Variants in GRID2 observed in about 807,000 individuals in gnomAD.
GRID2 encodes the protein glutamate receptor ionotropic, delta-2.
A neutral mutation model predicts 114.8 loss-of-function variants in GRID2; 33 were observed. That is an observed-to-expected ratio of 0.29 (90% CI 0.22 to 0.38). GRID2 has a LOEUF of 0.38. Ranked by LOEUF, GRID2 falls within the 10% of genes least tolerant of loss-of-function variation. The probability of loss-of-function intolerance (pLI) is 1.00; values close to 1 mark genes in which losing one functional copy is unlikely to be tolerated. For missense variants in GRID2, 1,184 were observed against 1,257.7 expected, an observed-to-expected ratio of 0.94 and a Z score of 0.89; for synonymous variants, 505 against 449.9, an observed-to-expected ratio of 1.12 and a Z score of -1.55.
chr4:93,692,283 G>C (rs2110117135), intron 14 of GRID2, among the ~76,000 whole-genome samples: 1 of 152,190 alleles, frequency 6.6e-6, no homozygotes, highest in South Asian at 2.1e-4. Context: ...CCTGAAGAAA[G>C]TGAGGAAGCC....
intron 2 of GRID2, among the ~76,000 whole-genome samples, chr4:92,710,653 C>G (rs1476432229): frequency 1.3e-5 from 2 of 152,150 alleles, no homozygotes; most frequent in Non-Finnish European, 2.9e-5. Context: ...TTTTATTACT[C>G]TTTATTTCCT....
intron 13 of GRID2, among the ~76,000 whole-genome samples, chr4:93,589,513 A>C (rs1737939236): frequency 6.6e-6 from 1 of 152,110 alleles, no homozygotes; most frequent in Non-Finnish European, 1.5e-5. Context: ...CAATAAACAT[A>C]CATCTGCATG....
chr4:93,294,992 G>T (rs1754141959), intron 8 of GRID2, among the ~76,000 whole-genome samples: 1 of 152,162 alleles, frequency 6.6e-6, no homozygotes, highest in African/African-American at 2.4e-5. Context: ...CAAGATCCTG[G>T]CCTGAGCAAC....
intron 2 of GRID2, among the ~76,000 whole-genome samples, chr4:92,918,111 C>T (rs1213202418): frequency 6.6e-6 from 1 of 152,130 alleles, no homozygotes; most frequent in Non-Finnish European, 1.5e-5. Context: ...CTCTTTGAAG[C>T]AATTGTGAGT....
In GRID2 at chr4:93,211,676, T is replaced by C. The variant is rs79985791; in HGVS notation, c.789+4219T>C. ...TTACCCACAGCCCTACTTTCTTGTC[T>C]TCCAGCAGAGGTATAATTTCTTTTG... On this transcript the variant is annotated intron_variant, in intron 5 of 15. Transcript: ENST00000282020. Among the ~76,000 whole-genome samples, 1,342 of 152,278 alleles carry C rather than the reference T, an allele frequency of 8.8e-3. 19 individuals are homozygous for C. The highest frequency in any genetic ancestry group is 0.031 in the African/African-American group (1,277 of 41,570).
At chr4:92,629,414 C>A (rs917989768) in intron 2 of GRID2, among the ~76,000 whole-genome samples, 3 of 152,102 alleles carry the variant, frequency 2.0e-5, no homozygotes, top group Non-Finnish European at 4.4e-5. Flanking sequence ...TTATATATTG[C>A]TATAAATCAT....
chr4:93,054,607 T>A (rs1009265779), intron 2 of GRID2, among the ~76,000 whole-genome samples: 1 of 151,928 alleles, frequency 6.6e-6, no homozygotes, highest in Non-Finnish European at 1.5e-5. Flanking sequence ...GTGGCACTCT[T>A]TATATTTAAA....
Position 92,607,747 on chromosome 4 carries a change from CA to C in GRID2, c.244+17462del, listed in dbSNP as rs370144118. ...AGTATAATAAGGTTCTCAACTCCAT[CA>C]CTAATTCAACATTGTTCAGCCTTTC... On this transcript the variant is annotated intron_variant, in intron 2 of 15. Transcript: ENST00000282020. Among the ~76,000 whole-genome samples the C allele has an allele frequency of 1.3e-4, 19 of 151,980 alleles. No individual in the cohort carries two copies. In the East Asian group the frequency reaches 2.5e-3, roughly 20 times the overall value.
chr4:92,802,753 C>G, intron 2 of GRID2, among the ~76,000 whole-genome samples: 1 of 151,848 alleles, frequency 6.6e-6, no homozygotes, highest in East Asian at 1.9e-4. Flanking sequence ...TTGGTTATAG[C>G]AGCTTTATAG....
At chr4:93,244,493 T>G (rs1579406447) in intron 8 of GRID2, among the ~76,000 whole-genome samples, 2 of 53,358 alleles carry the variant, frequency 3.7e-5, no homozygotes, top group Admixed American at 4.9e-4. Context: ...TATAATCTAT[T>G]AATTAATAGA....
chr4:93,282,036 A>G (rs1752703165), intron 8 of GRID2, among the ~76,000 whole-genome samples: 1 of 152,010 alleles, frequency 6.6e-6, no homozygotes, highest in African/African-American at 2.4e-5. Flanking sequence ...TCTATTGCTC[A>G]TTAGTGGAGA....
chr4:92,679,329 T>G (rs948775078), intron 2 of GRID2, among the ~76,000 whole-genome samples: 1 of 152,066 alleles, frequency 6.6e-6, no homozygotes, highest in Non-Finnish European at 1.5e-5. Flanking sequence ...CCCTGCTGTT[T>G]CCTAGAAGTC....
chr4:92,423,636 T>G (rs1732011875), intron 1 of GRID2, among the ~76,000 whole-genome samples: 1 of 152,166 alleles, frequency 6.6e-6, no homozygotes, highest in African/African-American at 2.4e-5. Flanking sequence ...GGAGTAATGC[T>G]TCTTATGCAT....
intron 1 of GRID2, among the ~76,000 whole-genome samples, chr4:93,789,788 A>G (rs1427731213): frequency 6.6e-6 from 1 of 152,216 alleles, no homozygotes; most frequent in Non-Finnish European, 1.5e-5. Context: ...TAGAGTATAA[A>G]TTTAAGAAAT....
intron 7 of GRID2, among the ~76,000 whole-genome samples, chr4:93,226,413 A>G (rs1242203106): frequency 6.6e-6 from 1 of 152,226 alleles, no homozygotes. Flanking sequence ...CAAGAAAAGA[A>G]CAATAACTGG....
chr4:92,582,004 A>C (rs1175982842), intron 1 of GRID2, among the ~76,000 whole-genome samples: 2 of 151,964 alleles, frequency 1.3e-5, no homozygotes, highest in African/African-American at 2.4e-5. Context: ...CTATAGGCTA[A>C]CTAATTATGG....
At chr4:92,780,994 C>G (rs993027548) in intron 2 of GRID2, among the ~76,000 whole-genome samples, 1 of 151,974 alleles carries the variant, frequency 6.6e-6, no homozygotes, top group African/African-American at 2.4e-5. Context: ...CATGGGTAAT[C>G]CCAGCACTTT....
At chr4:93,036,297 C>T (rs1032602578) in intron 2 of GRID2, among the ~76,000 whole-genome samples, 2 of 152,040 alleles carry the variant, frequency 1.3e-5, no homozygotes, top group African/African-American at 4.8e-5. Flanking sequence ...AACTCTCCAA[C>T]TTATATAGTA....
At chr4:92,554,676 G>C (rs1726764365) in intron 1 of GRID2, among the ~76,000 whole-genome samples, 1 of 152,024 alleles carries the variant, frequency 6.6e-6, no homozygotes, top group Non-Finnish European at 1.5e-5. Context: ...TTTTATTATA[G>C]TAGACAAGTT....
Sources: allele counts gnomAD v4.1 joint callset (sites outside exome capture counted in the v4.1 genomes callset), GRCh38; gene constraint gnomAD v4.1.1; transcripts MANE v1.5; gene names NCBI Gene and HGNC (gene_info 2026-07-23, HGNC 2026-07-21).